The following ATP2B2 variants were observed in gnomAD, a reference collection of about 807,000 sequenced individuals.
ATP2B2 encodes the protein plasma membrane calcium-transporting ATPase 2.
A neutral mutation model predicts 120.0 loss-of-function variants in ATP2B2; 15 were observed. The ratio of observed to expected loss-of-function variants is 0.12; its 90% confidence interval spans 0.08 to 0.19. The LOEUF is 0.19. Among genes scored for constraint, ATP2B2 ranks in the 10% least tolerant of loss-of-function variants. The probability of loss-of-function intolerance (pLI) is 1.00; values close to 1 mark genes in which losing one functional copy is unlikely to be tolerated. For missense variants in ATP2B2, 1,045 were observed against 1,719.8 expected (o/e 0.61, Z 6.94); for synonymous variants, 694 against 700.3 (o/e 0.99, Z 0.14).
intron 1 of ATP2B2, among the ~76,000 whole-genome samples, chr3:10,683,649 T>G (rs1456497750): frequency 1.3e-5 from 2 of 150,432 alleles, no homozygotes; most frequent in African/African-American, 4.9e-5. Flanking sequence ...ATTTATCTCA[T>G]TTTTTTACCC....
intron 1 of ATP2B2, among the ~76,000 whole-genome samples, chr3:10,628,658 C>T (rs2069776754): frequency 6.6e-6 from 1 of 152,230 alleles, no homozygotes; most frequent in Non-Finnish European, 1.5e-5. Context: ...ATAGTTGCTC[C>T]TCATAGCAAC....
intron 2 of ATP2B2, among the ~76,000 whole-genome samples, chr3:10,569,524 T>C (rs972209536): frequency 6.6e-6 from 1 of 152,212 alleles, no homozygotes; most frequent in African/African-American, 2.4e-5. Flanking sequence ...TTAGTAGTTA[T>C]AGATTATTTT....
intron 1 of ATP2B2, among the ~76,000 whole-genome samples, chr3:10,686,204 C>T (rs2071519158): frequency 6.6e-6 from 1 of 152,084 alleles, no homozygotes; most frequent in Admixed American, 6.5e-5. Context: ...GCCTGGGTCA[C>T]ACTGTTCCCC....
At chr3:10,659,659 C>T (rs1213342403) in intron 1 of ATP2B2, among the ~76,000 whole-genome samples, 3 of 152,188 alleles carry the variant, frequency 2.0e-5, no homozygotes, top group African/African-American at 2.4e-5. Context: ...GACTTTAATA[C>T]CCCACTGTCA....
chr3:10,403,274 C>T (rs1422678475), intron 3 of ATP2B2, among the ~76,000 whole-genome samples: 1 of 152,216 alleles, frequency 6.6e-6, no homozygotes, highest in African/African-American at 2.4e-5. Flanking sequence ...CCGCCCTCCA[C>T]AGTGAGGACA....
intron 2 of ATP2B2, among the ~76,000 whole-genome samples, chr3:10,436,910 T>A (rs200093345): frequency 1.9e-5 from 2 of 106,236 alleles, no homozygotes; most frequent in Non-Finnish European, 4.1e-5. Flanking sequence ...GGTGTTGCCA[T>A]TGTCAGGACA....
rs375603710 is a variant in ATP2B2, at chr3:10,425,697, C to T, written c.200-14882G>A. On this transcript the variant is annotated intron_variant, in intron 2 of 22. Coordinates refer to ENST00000360273, the MANE Select transcript of ATP2B2 (RefSeq NM_001001331.4). ...ACTCCTGCCTCCTGTACCTGTTACA[C>T]CATCCAGCAAAATTCAAGAAAAACA... is the stretch of plus-strand genomic sequence containing the variant. 1.1e-4 allele frequency among the ~76,000 whole-genome samples: 17 copies of T among 152,328 alleles called. No homozygotes were observed. The South Asian group carries it at 2.7e-3, about 24-fold the overall frequency.
intron 3 of ATP2B2, among the ~76,000 whole-genome samples, chr3:10,512,966 G>A (rs1458670445): frequency 6.6e-6 from 1 of 152,194 alleles, no homozygotes; most frequent in Non-Finnish European, 1.5e-5. Flanking sequence ...TGTGCTTCCT[G>A]CTTCTCCATC....
At position 10,401,027 on chromosome 3, in the gene ATP2B2, A is replaced by T. The variant is rs535964962; in HGVS notation, c.707T>A (p.Ile236Asn). 8.1e-6 allele frequency: 13 copies of T among 1,614,074 alleles called. No individual in the cohort carries two copies. The African/African-American group carries it at 9.3e-5, about 12-fold the overall frequency. ...CTCTCCAGTTAGGGAGCTTTCATCA[A>T]TCTTGAGGTCATTGCCCTGGATGAA... ...GLFIQGNDLK[I>N]DESSLTGESD... Residue 236 changes from isoleucine to asparagine, a missense_variant, in exon 5 of 23, where the codon ATT becomes AAT. Ile to Asn is a moderately radical substitution (Grantham distance 149). Around this residue, in one of 11 missense-constraint regions of ATP2B2, gnomAD observed 145 missense variants for 202.0 expected, o/e 0.72. Transcript: ENST00000360273.
At chr3:10,440,607 C>T (rs529926751) in intron 2 of ATP2B2, among the ~76,000 whole-genome samples, 1 of 152,324 alleles carries the variant, frequency 6.6e-6, no homozygotes, top group South Asian at 2.1e-4. Flanking sequence ...TGCTTCCCTC[C>T]CCATCTTTGC....
chr3:10,342,155 C>T lies in ATP2B2; in HGVS notation c.2917+597G>A, dbSNP rs2060296877. On this transcript the variant is annotated intron_variant, in intron 19 of 22. Coordinates refer to ENST00000360273, the MANE Select transcript of ATP2B2 (RefSeq NM_001001331.4). This position sits in a 1 kb window ranked among gnomAD's most constrained non-coding sequence, Gnocchi z 4.4. ...GGCCCCAGCCAGACCTGGTTCTGTG[C>T]CCAGACTCTTCCTCAGACTGGCTGT... Among the ~76,000 whole-genome samples the T allele has an allele frequency of 6.6e-6, 1 of 152,244 alleles. No individual in the cohort carries two copies. The highest frequency in any genetic ancestry group is 2.1e-4 in the South Asian group (1 of 4,830).
intron 2 of ATP2B2, among the ~76,000 whole-genome samples, chr3:10,536,430 C>T (rs9866646): frequency 0.018 from 2,636 of 149,658 alleles, 78 homozygotes; most frequent in African/African-American, 0.061. Flanking sequence ...TCTTCTTCTT[C>T]TTCTTCCTCT....
intron 2 of ATP2B2, among the ~76,000 whole-genome samples, chr3:10,551,781 T>A (rs542285520): frequency 6.6e-6 from 1 of 152,274 alleles, no homozygotes; most frequent in South Asian, 2.1e-4. Context: ...GGGAGTCACA[T>A]CTGGGAATGT....
intron 2 of ATP2B2, among the ~76,000 whole-genome samples, chr3:10,421,197 C>G (rs371284147): frequency 1.2e-4 from 19 of 152,178 alleles, no homozygotes; most frequent in African/African-American, 4.6e-4. Flanking sequence ...CAGGTGCTTT[C>G]GGCACAGCAT....
intron 1 of ATP2B2, among the ~76,000 whole-genome samples, chr3:10,642,330 T>C (rs943156671): frequency 6.6e-6 from 1 of 152,228 alleles, no homozygotes; most frequent in Non-Finnish European, 1.5e-5. Flanking sequence ...GGAGCTATAC[T>C]TGGCCATTAG....
At chr3:10,563,137 G>T (rs1406554822) in intron 2 of ATP2B2, among the ~76,000 whole-genome samples, 4 of 152,136 alleles carry the variant, frequency 2.6e-5, no homozygotes, top group African/African-American at 7.2e-5. Context: ...TATATTGAGG[G>T]TTGGCTGTAT....
At chr3:10,589,669 G>A (rs986268745) in intron 2 of ATP2B2, among the ~76,000 whole-genome samples, 1 of 152,154 alleles carries the variant, frequency 6.6e-6, no homozygotes, top group African/African-American at 2.4e-5. Flanking sequence ...GAAATCATGT[G>A]CAAAGAGCAC....
chr3:10,603,192 T>C (rs2068970378), intron 2 of ATP2B2, among the ~76,000 whole-genome samples: 2 of 152,222 alleles, frequency 1.3e-5, no homozygotes, highest in South Asian at 4.1e-4. Flanking sequence ...CCTGGCTTCA[T>C]TTCCTTGGTA....
At chr3:10,410,935 G>C (rs1249059464) in intron 2 of ATP2B2, 120 bp from the exon 3 acceptor site, 2 of 1,204,698 alleles carry the variant, frequency 1.7e-6, no homozygotes, top group African/African-American at 3.0e-5. Context: ...TGGCCCAGGA[G>C]CCCAACATCT....
Sources: gnomAD v4.1 joint callset for allele counts (sites outside exome capture counted in the v4.1 genomes callset) on GRCh38, gnomAD v4.1.1 for gene constraint, gnomAD v4.1.1 regional missense constraint, Gnocchi (gnomAD v3.1) non-coding constraint, MANE v1.5 for transcripts, NCBI Gene and HGNC (gene_info 2026-07-23, HGNC 2026-07-21) for gene names.